Variants in MAD1L1 observed in about 807,000 individuals in gnomAD.
The protein encoded by MAD1L1 is mitotic arrest deficient 1 like 1, also known as mitotic spindle assembly checkpoint protein MAD1.
In MAD1L1, 95 loss-of-function variants were observed where a neutral mutation model predicts 96.9. The ratio of observed to expected loss-of-function variants is 0.98; its 90% confidence interval spans 0.83 to 1.16. The LOEUF is 1.16. Ranked by LOEUF, MAD1L1 falls within the 50% of genes most tolerant of loss-of-function variation. The pLI is 0.00. For synonymous variants in MAD1L1, 473 were observed against 396.6 expected, an observed-to-expected ratio of 1.19 and a Z score of -2.29; for missense variants, 1,007 against 954.4, an observed-to-expected ratio of 1.06 and a Z score of -0.73.
At chr7:1,935,502 C>T (rs1041266459) in intron 17 of MAD1L1, among the ~76,000 whole-genome samples, 1 of 152,224 alleles carries the variant, frequency 6.6e-6, no homozygotes, top group Non-Finnish European at 1.5e-5. Context: ...TGCGCCCAGA[C>T]TCAGGGCAGT....
chr7:2,017,205 C>T (rs546198026), intron 12 of MAD1L1, among the ~76,000 whole-genome samples: 33 of 152,326 alleles, frequency 2.2e-4, no homozygotes, highest in Admixed American at 2.0e-3. Flanking sequence ...ACTCCACCTG[C>T]GGGCAAGTCC....
chr7:2,162,630 AATG>A (rs1227531761), intron 10 of MAD1L1, among the ~76,000 whole-genome samples: 1 of 151,402 alleles, frequency 6.6e-6, no homozygotes, highest in Non-Finnish European at 1.5e-5. Context: ...TAAAGGGGTA[AATG>A]ATATCTTAAA....
At position 1,904,873 on chromosome 7, in the gene MAD1L1, T is replaced by C. The variant is rs1470776610; in HGVS notation, c.1808-6483A>G. Among the ~76,000 whole-genome samples, 27 of 114,278 alleles carry C rather than the reference T, an allele frequency of 2.4e-4. 7 individuals are homozygous for C. The highest frequency in any genetic ancestry group is 1.1e-3 in the African/African-American group (27 of 25,486). The allele number at this position is 114,278 out of a possible 152,430, so 75.0% of individuals were successfully genotyped here. A position where few individuals can be genotyped will look rare whatever the true frequency, so the allele number is the denominator to read the frequency against. ...GAAGACGCTCTTGCAGAACTCATGA[T>C]TGATGAAGCACTGTTCCAGGCAGCA... On this transcript the variant is annotated intron_variant, in intron 17 of 18. Transcript: ENST00000265854.
At chr7:2,231,515 GA>G (rs1330454671) in intron 1 of MAD1L1, among the ~76,000 whole-genome samples, 2 of 151,856 alleles carry the variant, frequency 1.3e-5, no homozygotes, top group African/African-American at 4.8e-5. Flanking sequence ...GCTGGGACAG[GA>G]GATTTTCTTG....
chr7:2,002,583 C>A, intron 13 of MAD1L1, among the ~76,000 whole-genome samples: 1 of 152,168 alleles, frequency 6.6e-6, no homozygotes, highest in African/African-American at 2.4e-5. Flanking sequence ...CACCTCAGAG[C>A]ATCTCCTCCA....
intron 10 of MAD1L1, among the ~76,000 whole-genome samples, chr7:2,205,639 A>C (rs1301299423): frequency 6.6e-6 from 1 of 151,240 alleles, no homozygotes; most frequent in Admixed American, 6.6e-5. Context: ...TCTCGCGTCC[A>C]CCTCCCTCGG....
Position 2,119,319 on chromosome 7 carries a change from C to T in MAD1L1, c.1073+29833G>A, listed in dbSNP as rs925761705. On this transcript the variant is annotated intron_variant, in intron 11 of 18. Coordinates refer to ENST00000265854, the MANE Select transcript of MAD1L1 (RefSeq NM_001013836.2). This position sits in a 1 kb window ranked among gnomAD's most constrained non-coding sequence, Gnocchi z 4.6. ...GCTCCCAGGCCATGGCTCTCCGCAG[C>T]GCCTTCCCTATCGCATCTCCATCAC... Among the ~76,000 whole-genome samples the T allele has an allele frequency of 2.2e-4, 34 of 152,334 alleles. No individual in the cohort carries two copies. The highest frequency in any genetic ancestry group is 7.2e-4 in the African/African-American group (30 of 41,580).
intron 11 of MAD1L1, among the ~76,000 whole-genome samples, chr7:2,073,531 T>C (rs1562660581): frequency 6.6e-6 from 1 of 152,136 alleles, no homozygotes. Context: ...TAGGTCACCA[T>C]CTCCCCGATC....
chr7:1,853,180 G>T (rs894229996), intron 18 of MAD1L1, among the ~76,000 whole-genome samples: 2 of 152,162 alleles, frequency 1.3e-5, no homozygotes, highest in Non-Finnish European at 2.9e-5. Context: ...AAGGGACTGC[G>T]GATGTCATCT....
intron 10 of MAD1L1, among the ~76,000 whole-genome samples, chr7:2,152,021 G>A (rs918737078): frequency 2.0e-5 from 3 of 152,142 alleles, no homozygotes; most frequent in Non-Finnish European, 4.4e-5. Context: ...GGCTGCTTCC[G>A]GGTGGCTCCC....
chr7:2,202,333 C>A (rs1792355681), intron 10 of MAD1L1, among the ~76,000 whole-genome samples: 1 of 152,238 alleles, frequency 6.6e-6, no homozygotes, highest in Admixed American at 6.5e-5. Flanking sequence ...AGGCACCGTG[C>A]TCGGACGGAG....
intron 12 of MAD1L1, among the ~76,000 whole-genome samples, chr7:2,017,471 G>A (rs1257152332): frequency 6.6e-6 from 1 of 152,186 alleles, no homozygotes. Flanking sequence ...ACAGGGCCTC[G>A]GTGCCCTGGA....
chr7:2,126,162 G>C (rs1788220223), intron 11 of MAD1L1, among the ~76,000 whole-genome samples: 1 of 152,240 alleles, frequency 6.6e-6, no homozygotes, highest in Non-Finnish European at 1.5e-5. Context: ...ATATGGCCTA[G>C]GTTCCTGCAA....
intron 16 of MAD1L1, among the ~76,000 whole-genome samples, chr7:1,941,174 C>T (rs1778979867): frequency 6.6e-6 from 1 of 152,180 alleles, no homozygotes; most frequent in South Asian, 2.1e-4. Context: ...CGGTGGTGCG[C>T]CCAGCGCTGG....
At chr7:1,918,948 GAT>G (rs1429811336) in intron 17 of MAD1L1, among the ~76,000 whole-genome samples, 1 of 152,058 alleles carries the variant, frequency 6.6e-6, no homozygotes, top group Non-Finnish European at 1.5e-5. Flanking sequence ...CAGGGGCACT[GAT>G]CCTTCCAACA....
intron 15 of MAD1L1, among the ~76,000 whole-genome samples, chr7:1,961,539 G>A (rs1447563117): frequency 6.6e-6 from 1 of 152,194 alleles, no homozygotes; most frequent in Non-Finnish European, 1.5e-5. Context: ...GGGAAATAAA[G>A]AATTAAAATC....
rs376821778 is a variant in MAD1L1, at chr7:2,222,555, G to A, written c.471+20C>T. ...TCTCCTCGGGAAAACAGCTCCCTGC[G>A]CAGCAGAGGCCCCGCTCACCTCGCC... On this transcript the variant is annotated intron_variant, in intron 5 of 18. Transcript: ENST00000265854. 88 of 1,553,066 alleles carry A rather than the reference G, an allele frequency of 5.7e-5. No individual in the cohort carries two copies. The highest frequency in any genetic ancestry group is 7.5e-5 in the Non-Finnish European group (86 of 1,148,952).
intron 9 of MAD1L1, among the ~76,000 whole-genome samples, chr7:2,213,996 G>A (rs1022888376): frequency 6.6e-5 from 10 of 152,268 alleles, no homozygotes; most frequent in Non-Finnish European, 1.0e-4. Flanking sequence ...AAGTCAGTGA[G>A]GTATTCTCAC....
intron 10 of MAD1L1, among the ~76,000 whole-genome samples, chr7:2,190,170 C>T (rs1278418656): frequency 6.6e-6 from 1 of 152,140 alleles, no homozygotes; most frequent in East Asian, 1.9e-4. Context: ...TAGGAAGTGA[C>T]AGTAATTACG....
Sources: gnomAD v4.1 joint callset for allele counts (sites outside exome capture counted in the v4.1 genomes callset) on GRCh38, gnomAD v4.1.1 for gene constraint, Gnocchi (gnomAD v3.1) non-coding constraint, MANE v1.5 for transcripts, NCBI Gene and HGNC (gene_info 2026-07-23, HGNC 2026-07-21) for gene names.